Variants in SSH2 observed in about 807,000 individuals in gnomAD.
SSH2 encodes slingshot protein phosphatase 2, also known as protein phosphatase Slingshot homolog 2.
A neutral mutation model predicts 135.2 loss-of-function variants in SSH2; 37 were observed. The ratio of observed to expected loss-of-function variants is 0.27; its 90% confidence interval spans 0.21 to 0.36. The LOEUF (loss-of-function observed/expected upper bound fraction) is 0.36. Among genes scored for constraint, SSH2 ranks in the 10% least tolerant of loss-of-function variants. The pLI is 1.00. For synonymous variants in SSH2, 628 were observed against 646.2 expected (o/e 0.97, Z 0.43); for missense variants, 1,408 against 1,765.3 (o/e 0.80, Z 3.63).
chr17:29,632,058 T>A lies in SSH2; in HGVS notation c.3136A>T (p.Thr1046Ser). 2.5e-6 allele frequency: 4 copies of A among 1,614,236 alleles called. No individual in the cohort carries two copies. The highest frequency in any genetic ancestry group is 3.4e-6 in the Non-Finnish European group (4 of 1,180,038). ...CCTGGCCCAGTGTGATTGGGTGATG[T>A]AACTATGTGGGTATATTCAATGATT... ...VEIIEYTHIV[T>S]SPNHTGPGSE... Residue 1046 changes from threonine (T) to serine (S), a missense_variant, in exon 16 of 16, where the codon ACA becomes TCA. Transcript: ENST00000540801.
chr17:29,658,204 A>G (rs1467155098), intron 11 of SSH2, among the ~76,000 whole-genome samples: 1 of 151,260 alleles, frequency 6.6e-6, no homozygotes, highest in African/African-American at 2.4e-5. Context: ...GGGTTTCTCC[A>G]TGTTGGTCAG....
intron 1 of SSH2, among the ~76,000 whole-genome samples, chr17:29,857,502 A>T (rs2065683935): frequency 6.6e-6 from 1 of 151,972 alleles, no homozygotes; most frequent in Non-Finnish European, 1.5e-5. Flanking sequence ...ATCTTAACTG[A>T]TTTTTTTGAG....
chr17:29,899,996 A>T (rs576998198), intron 1 of SSH2, among the ~76,000 whole-genome samples: 1 of 152,190 alleles, frequency 6.6e-6, no homozygotes, highest in Non-Finnish European at 1.5e-5. Context: ...CAACTATCTG[A>T]TCTTTGACAA....
chr17:29,642,925 C>T (rs1468307072), intron 14 of SSH2, among the ~76,000 whole-genome samples: 1 of 152,200 alleles, frequency 6.6e-6, no homozygotes, highest in Non-Finnish European at 1.5e-5. Context: ...CCCAGGGCCA[C>T]CCTGGATAAC....
intron 3 of SSH2, among the ~76,000 whole-genome samples, chr17:29,790,287 A>G (rs2042041299): frequency 6.6e-6 from 1 of 152,150 alleles, no homozygotes; most frequent in Admixed American, 6.5e-5. Context: ...TCCTTAAAAG[A>G]ATAGGAAGAG....
chr17:29,790,058 T>G (rs944202207), intron 3 of SSH2, among the ~76,000 whole-genome samples: 1 of 152,176 alleles, frequency 6.6e-6, no homozygotes, highest in African/African-American at 2.4e-5. Context: ...TCAGAACTGA[T>G]GCTGGAATGT....
intron 3 of SSH2, among the ~76,000 whole-genome samples, chr17:29,732,916 T>C (rs1241042241): frequency 2.0e-5 from 3 of 152,170 alleles, no homozygotes; most frequent in Admixed American, 1.3e-4. Context: ...GCAGCAAATA[T>C]CTTTCAGGTA....
chr17:29,763,559 T>C (rs1224641340), intron 3 of SSH2, among the ~76,000 whole-genome samples: 4 of 151,552 alleles, frequency 2.6e-5, no homozygotes, highest in Non-Finnish European at 1.5e-5. Flanking sequence ...GTTCCTTTCA[T>C]GACACAGCAG....
Position 29,632,223 on chromosome 17 carries a change from G to C in SSH2, c.2971C>G (p.His991Asp). ...GGGCCCTCCTGAGGATCTGGCAAGT[G>C]GTCAAACTCCAGCACCCTGGGAGCT... ...VPAPRVLEFDHLPDPQEGPGS... is the reference protein window; with the variant it reads ...VPAPRVLEFDDLPDPQEGPGS... The change falls in exon 16 of 16, where the codon CAC becomes GAC. Residue 991 changes from histidine (H) to aspartate (D), a missense_variant. Coordinates refer to ENST00000540801, the MANE Select transcript of SSH2 (RefSeq NM_001282129.2). 1 of 1,613,936 alleles carries C rather than the reference G, an allele frequency of 6.2e-7. No individual in the cohort carries two copies. Among genetic ancestry groups the C allele is most frequent in the Non-Finnish European group, 8.5e-7 (1 of 1,179,944 alleles).
In SSH2 at chr17:29,889,367, A is replaced by G. The variant is rs1158777923; in HGVS notation, c.64-40438T>C. Among the ~76,000 whole-genome samples, 3 of 152,076 alleles carry G rather than the reference A, an allele frequency of 2.0e-5. No homozygotes were observed. The East Asian group carries it at 5.8e-4, about 29-fold the overall frequency. The stretch of plus-strand genomic sequence containing the variant: ...AGGCTGAGGCAGAAGAATTGCTTGA[A>G]CCTGGGAGGCAGAGGTTGCAGTGAG... On this transcript the variant is annotated intron_variant, in intron 1 of 15. Transcript: ENST00000540801.
intron 3 of SSH2, among the ~76,000 whole-genome samples, chr17:29,738,038 A>C (rs137927524): frequency 1.3e-5 from 2 of 152,160 alleles, no homozygotes; most frequent in Non-Finnish European, 2.9e-5. Flanking sequence ...TTAACTTGTC[A>C]TTTACATTAG....
intron 1 of SSH2, among the ~76,000 whole-genome samples, chr17:29,907,646 C>G (rs1408587726): frequency 1.3e-5 from 2 of 152,208 alleles, no homozygotes; most frequent in African/African-American, 2.4e-5. Context: ...AGCTCCTTAA[C>G]TAACTGAAAT....
rs931172043 is a variant in SSH2, at chr17:29,892,624, A to AT, written c.63+37313dup. Among the ~76,000 whole-genome samples the AT allele has an allele frequency of 3.3e-4, 50 of 150,350 alleles. 1 individual carries two copies. In the East Asian group the frequency reaches 6.4e-3, roughly 19 times the overall value. On this transcript the variant is annotated intron_variant, in intron 1 of 15. Coordinates refer to ENST00000540801, the MANE Select transcript of SSH2 (RefSeq NM_001282129.2). The stretch of plus-strand genomic sequence containing the variant: ...TCTCGACCATGACTGACTAGCTTAA[A>AT]TTTTTTTTTTGTAAATTAAAATAAA...
chr17:29,771,268 T>G lies in SSH2; in HGVS notation c.188+22626A>C, dbSNP rs79418202. ...TATTTGTTGTCCTCTAATTGCTGCC[T>G]ATATAACTTATCTCTCTACTGGAGC... On this transcript the variant is annotated intron_variant, in intron 3 of 15. Transcript: ENST00000540801. Among the ~76,000 whole-genome samples, 5 of 152,358 alleles carry G rather than the reference T, an allele frequency of 3.3e-5. No homozygotes were observed. In the East Asian group the frequency reaches 9.6e-4, roughly 29 times the overall value.
chr17:29,882,466 C>T (rs2066155808), intron 1 of SSH2, among the ~76,000 whole-genome samples: 1 of 152,036 alleles, frequency 6.6e-6, no homozygotes, highest in Non-Finnish European at 1.5e-5. Flanking sequence ...AATAAAGATG[C>T]TCTGGCCGGG....
chr17:29,808,158 C>T (rs550541528), intron 2 of SSH2, among the ~76,000 whole-genome samples: 314 of 152,282 alleles, frequency 2.1e-3, no homozygotes, highest in Admixed American at 5.4e-3. Context: ...GACGGAGTCT[C>T]GCTCTTGTCA....
chr17:29,636,203 C>A lies in SSH2; in HGVS notation c.2027G>T (p.Arg676Leu), dbSNP rs141050449. 1 of 1,614,018 alleles carries A rather than the reference C, an allele frequency of 6.2e-7. No homozygotes were observed. Among genetic ancestry groups the A allele is most frequent in the Non-Finnish European group, 8.5e-7 (1 of 1,180,022 alleles). The stretch of plus-strand genomic sequence containing the variant: ...CTCTAGGGCACTAAAAAAGTCAATG[C>A]GATCTGTACTGAAATCTGAGATTTC... Reference protein sequence around the residue: ...QTEISDFSTDRIDFFSALEKF... With the variant: ...QTEISDFSTDLIDFFSALEKF... Residue 676 changes from arginine (R) to leucine (L), a missense_variant, in exon 15 of 16, where the codon CGC becomes CTC. By Grantham distance (102) the Arg-to-Leu change is moderately radical. Transcript: ENST00000540801.
chr17:29,675,712 G>A (rs1415545503), intron 8 of SSH2: 2 of 152,638 alleles, frequency 1.3e-5, no homozygotes, highest in Admixed American at 1.3e-4. Flanking sequence ...GAGGTAGGAA[G>A]AACACTCGAG....
chr17:29,883,869 A>G (rs1201650339), intron 1 of SSH2, among the ~76,000 whole-genome samples: 1 of 152,204 alleles, frequency 6.6e-6, no homozygotes. Context: ...TACTTTAAAA[A>G]CAAGAAAAAT....
Sources: allele counts gnomAD v4.1 joint callset (sites outside exome capture counted in the v4.1 genomes callset), GRCh38; gene constraint gnomAD v4.1.1; transcripts MANE v1.5; gene names NCBI Gene and HGNC (gene_info 2026-07-23, HGNC 2026-07-21).